TSPAN2: variants seen among roughly 807,000 people sequenced by gnomAD.
TSPAN2 encodes tetraspanin 2.
TSPAN2 carries 24 observed loss-of-function variants against 33.3 expected under a neutral mutation model. That is an observed-to-expected ratio of 0.72 (90% CI 0.52 to 1.01). The LOEUF (loss-of-function observed/expected upper bound fraction) is 1.01, where lower values mean the gene tolerates loss of function less well. Among genes scored for constraint, TSPAN2 ranks in the 50% least tolerant of loss-of-function variants. The probability of loss-of-function intolerance (pLI) is 0.00; values close to 1 mark genes in which losing one functional copy is unlikely to be tolerated. For missense variants in TSPAN2, 278 were observed against 281.3 expected (o/e 0.99, Z 0.08); for synonymous variants, 114 against 104.5 (o/e 1.09, Z -0.56).
intron 1 of TSPAN2, 52 bp downstream of exon 1, chr1:115,089,312 G>GGCCCCCACCCCGCC: frequency 7.2e-7 from 1 of 1,389,174 alleles, no homozygotes; most frequent in Non-Finnish European, 9.8e-7. Flanking sequence ...CCGGCCCCGC[G>GGCCCCCACCCCGCC]CCCGCCACCC....
chr1:115,066,116 T>C (rs760904715), intron 2 of TSPAN2, among the ~76,000 whole-genome samples: 3 of 152,234 alleles, frequency 2.0e-5, no homozygotes, highest in Admixed American at 6.5e-5. Flanking sequence ...CCATTGTGTA[T>C]ATGTACCACA....
intron 2 of TSPAN2, among the ~76,000 whole-genome samples, chr1:115,070,884 T>C (rs1648143581): frequency 6.6e-6 from 1 of 152,178 alleles, no homozygotes; most frequent in Admixed American, 6.5e-5. Flanking sequence ...ATGGGGGCGG[T>C]TACAGAATTC....
chr1:115,050,649 A>T, intron 7 of TSPAN2, 94 bp from the exon 8 acceptor site: 1 of 934,728 alleles, frequency 1.1e-6, no homozygotes, highest in Non-Finnish European at 1.7e-6. Context: ...TCAAGTTAAC[A>T]AATAATTATA....
intron 1 of TSPAN2, among the ~76,000 whole-genome samples, chr1:115,074,199 G>T (rs900818948): frequency 2.6e-5 from 4 of 152,136 alleles, no homozygotes; most frequent in Non-Finnish European, 4.4e-5. Flanking sequence ...AGAAGCAGAG[G>T]TCTAAAAGGA....
chr1:115,051,183 C>G (rs183371001), intron 7 of TSPAN2, among the ~76,000 whole-genome samples: 107 of 152,054 alleles, frequency 7.0e-4, no homozygotes, highest in Admixed American at 2.4e-3. Context: ...GGTGGTGTGT[C>G]CCTGCAGTCC....
intron 1 of TSPAN2, among the ~76,000 whole-genome samples, chr1:115,088,042 A>G (rs1473898133): frequency 6.6e-6 from 1 of 152,216 alleles, no homozygotes; most frequent in African/African-American, 2.4e-5. Flanking sequence ...AAAATACAAC[A>G]TAAAGGGTCT....
chr1:115,062,487 T>C (rs538756403), intron 2 of TSPAN2, among the ~76,000 whole-genome samples: 1 of 152,334 alleles, frequency 6.6e-6, no homozygotes, highest in South Asian at 2.1e-4. Flanking sequence ...ACTCCGACTC[T>C]GTCTTGCATC....
intron 2 of TSPAN2, among the ~76,000 whole-genome samples, chr1:115,069,519 C>G (rs532472483): frequency 6.6e-6 from 1 of 152,290 alleles, no homozygotes; most frequent in South Asian, 2.1e-4. Flanking sequence ...CACTGACGGC[C>G]GTTTTATCAC....
At chr1:115,082,119 G>T (rs530114966) in intron 1 of TSPAN2, among the ~76,000 whole-genome samples, 1 of 152,334 alleles carries the variant, frequency 6.6e-6, no homozygotes, top group Non-Finnish European at 1.5e-5. Context: ...CAGCGTTGTG[G>T]CCACTAGGCA....
chr1:115,057,429 G>A, intron 6 of TSPAN2, 108 bp downstream of exon 6: 18 of 1,081,632 alleles, frequency 1.7e-5, no homozygotes, highest in Non-Finnish European at 2.6e-5. Flanking sequence ...GCTGCCACTA[G>A]AGCAAATTCA....
At position 115,075,012 on chromosome 1, in the gene TSPAN2, G is replaced by A. The variant is rs545182884; in HGVS notation, c.70-2005C>T. On this transcript the variant is annotated intron_variant, in intron 1 of 7. Transcript: ENST00000369516. Reference sequence around the variant, plus strand: ...ATACAAAGCAAGACCTATTGACAGAGGCATCAGGCCAAAGCCAGCAGCCAC... The same window carrying A: ...ATACAAAGCAAGACCTATTGACAGAAGCATCAGGCCAAAGCCAGCAGCCAC... 5.9e-5 allele frequency among the ~76,000 whole-genome samples: 9 copies of A among 152,292 alleles called. No individual in the cohort carries two copies. The South Asian group carries it at 1.7e-3, about 28-fold the overall frequency.
intron 3 of TSPAN2, among the ~76,000 whole-genome samples, chr1:115,060,995 T>C (rs1647697733): frequency 6.6e-6 from 1 of 152,098 alleles, no homozygotes; most frequent in African/African-American, 2.4e-5. Context: ...TGACTGGAGA[T>C]TCTGTGGTCT....
chr1:115,058,788 T>G, intron 5 of TSPAN2, 95 bp downstream of exon 5: 1 of 1,142,586 alleles, frequency 8.8e-7, no homozygotes, highest in Non-Finnish European at 1.3e-6. Context: ...CTTTACTGAA[T>G]TTATTTTTAT....
chr1:115,071,313 A>G (rs1648165788), intron 2 of TSPAN2, among the ~76,000 whole-genome samples: 1 of 152,226 alleles, frequency 6.6e-6, no homozygotes, highest in Non-Finnish European at 1.5e-5. Flanking sequence ...GGTTTTACTC[A>G]TTCAAAAAAG....
rs1209074823 is a variant in TSPAN2, at chr1:115,049,203, G to A, written c.*1287C>T. The A allele has an allele frequency of 6.6e-6, 1 of 152,132 alleles. No individual in the cohort carries two copies. Among genetic ancestry groups the A allele is most frequent in the African/African-American group, 2.4e-5 (1 of 41,432 alleles). 9.4% of individuals were successfully genotyped at this position (152,132 alleles called of 1,614,324 possible). A position where few individuals can be genotyped will look rare whatever the true frequency, so the allele number is the denominator to read the frequency against. On this transcript the variant is annotated 3_prime_UTR_variant, in exon 8 of 8. Transcript: ENST00000369516. ...TTTGGGTTTACTAAGTTAAAATGAA[G>A]CGTTAAGACCAAAAAAACATTGAAA... is the stretch of plus-strand genomic sequence containing the variant.
At chr1:115,085,419 A>G (rs908979739) in intron 1 of TSPAN2, among the ~76,000 whole-genome samples, 1 of 152,172 alleles carries the variant, frequency 6.6e-6, no homozygotes, top group African/African-American at 2.4e-5. Context: ...CTGCCAGAGG[A>G]GGCTGCAAAT....
chr1:115,089,244 A>C (rs1317462049), intron 1 of TSPAN2, 120 bp downstream of exon 1: 14 of 755,928 alleles, frequency 1.9e-5, no homozygotes, highest in Non-Finnish European at 2.8e-5. Context: ...TCCGCGTTTG[A>C]GCACCCAGCC....
intron 6 of TSPAN2, among the ~76,000 whole-genome samples, chr1:115,055,393 T>G (rs944135857): frequency 4.5e-5 from 6 of 132,814 alleles, no homozygotes; most frequent in African/African-American, 1.6e-4. Flanking sequence ...TTGTTGGTGA[T>G]ACTTACACAC....
intron 1 of TSPAN2, among the ~76,000 whole-genome samples, chr1:115,086,507 C>T (rs926086529): frequency 2.6e-5 from 4 of 152,196 alleles, no homozygotes; most frequent in African/African-American, 9.6e-5. Flanking sequence ...TTTCTGGCTC[C>T]TCATCATGAC....
Sources: gnomAD v4.1 joint callset for allele counts (sites outside exome capture counted in the v4.1 genomes callset) on GRCh38, gnomAD v4.1.1 for gene constraint, MANE v1.5 for transcripts, NCBI Gene and HGNC (gene_info 2026-07-23, HGNC 2026-07-21) for gene names.